RABGEF1: variants seen among roughly 807,000 people sequenced by gnomAD.
RABGEF1 encodes rab5 GDP/GTP exchange factor.
A neutral mutation model predicts 57.3 loss-of-function variants in RABGEF1; 26 were observed. The observed-to-expected ratio is 0.45, with a 90% CI of 0.33 to 0.63. The LOEUF (loss-of-function observed/expected upper bound fraction) is 0.63. Among genes scored for constraint, RABGEF1 ranks in the 20% least tolerant of loss-of-function variants. RABGEF1 has a pLI of 0.02. For missense variants in RABGEF1, 464 were observed against 607.6 expected, an observed-to-expected ratio of 0.76 and a Z score of 2.48; for synonymous variants, 185 against 210.7, an observed-to-expected ratio of 0.88 and a Z score of 1.06.
At chr7:66,685,949 A>C (rs1790558764) in intron 1 of RABGEF1, among the ~76,000 whole-genome samples, 1 of 152,138 alleles carries the variant, frequency 6.6e-6, no homozygotes, top group South Asian at 2.1e-4. Flanking sequence ...CAGAATAGAA[A>C]TGGTACCAAG....
At chr7:66,743,415 C>T (rs1311018646) in intron 1 of RABGEF1, among the ~76,000 whole-genome samples, 5 of 152,054 alleles carry the variant, frequency 3.3e-5, no homozygotes. Context: ...GCCTCCACCA[C>T]CCATGCTTAA....
At chr7:66,669,061 C>T in the RABGEF1 span, 1 of 152,284 alleles carries the variant, frequency 6.6e-6, no homozygotes, top group East Asian at 1.9e-4. Context: ...CCCGGGAGGG[C>T]ATGACTTCTG....
At chr7:66,662,543 T>C in the RABGEF1 span, among the ~76,000 whole-genome samples, 1 of 152,204 alleles carries the variant, frequency 6.6e-6, no homozygotes, top group African/African-American at 2.4e-5. Flanking sequence ...TCTCCTGAAC[T>C]GTGCTGGAAG....
chr7:66,732,446 T>C (rs527642890), intron 2 of RABGEF1, among the ~76,000 whole-genome samples: 23 of 151,672 alleles, frequency 1.5e-4, no homozygotes, highest in Non-Finnish European at 2.8e-4. Context: ...AGTAAGTGGG[T>C]GTTTTAGGGG....
intron 4 of RABGEF1, among the ~76,000 whole-genome samples, chr7:66,791,562 G>T (rs1388950036): frequency 6.6e-6 from 1 of 152,150 alleles, no homozygotes; most frequent in Non-Finnish European, 1.5e-5. Context: ...AAAACTTAAT[G>T]AACCCATAAA....
chr7:66,673,886 A>G, the RABGEF1 span, among the ~76,000 whole-genome samples: 161 of 152,324 alleles, frequency 1.1e-3, no homozygotes, highest in African/African-American at 3.6e-3. Flanking sequence ...CTCTTAAAAA[A>G]GAAGAAAAAA....
At position 66,764,252 on chromosome 7, in the gene RABGEF1, C is replaced by T. The variant is rs552880514; in HGVS notation, c.-17-7631C>T. On this transcript the variant is annotated intron_variant, in intron 1 of 8. Transcript: ENST00000284957. ...TGTGGAACATCTTTTCATATACTCACGACTGTTTGCATATCTTTCTGGAGA... is the reference window on the plus strand; with the variant it reads ...TGTGGAACATCTTTTCATATACTCATGACTGTTTGCATATCTTTCTGGAGA... Among the ~76,000 whole-genome samples the T allele has an allele frequency of 6.7e-4, 102 of 152,150 alleles. 2 individuals are homozygous for T. Among genetic ancestry groups the T allele is most frequent in the Admixed American group, 3.3e-4 (5 of 15,278 alleles).
chr7:66,796,201 G>A (rs941906511), intron 5 of RABGEF1, among the ~76,000 whole-genome samples: 1 of 151,778 alleles, frequency 6.6e-6, no homozygotes, highest in African/African-American at 2.4e-5. Context: ...TTTCCATCTT[G>A]GAATCACCAT....
At chr7:66,771,794 T>G (rs1807215094) in intron 1 of RABGEF1, 89 bp from the exon 2 acceptor site, 1 of 947,770 alleles carries the variant, frequency 1.1e-6, no homozygotes, top group Admixed American at 3.7e-5. Context: ...TTGAAGATAA[T>G]GGAATCACTC....
At chr7:66,719,774 A>G (rs1795796306) in intron 2 of RABGEF1, among the ~76,000 whole-genome samples, 1 of 152,166 alleles carries the variant, frequency 6.6e-6, no homozygotes, top group African/African-American at 2.4e-5. Context: ...TTATTGAAAC[A>G]TAGCCACATT....
At chr7:66,705,443 A>AGAGAG (rs1554307044) in intron 1 of RABGEF1, among the ~76,000 whole-genome samples, 1 of 66,368 alleles carries the variant, frequency 1.5e-5, no homozygotes, top group African/African-American at 7.6e-5. Context: ...TCTCGAAAGA[A>AGAGAG]AGAGAGAGAG....
At position 66,772,085 on chromosome 7, in the gene RABGEF1, G is replaced by A. The variant is rs747404062; in HGVS notation, c.179+7G>A. ...ACTGGGAGCTGGCGGAGCGGTAAAA[G>A]GACTTAACTAGGGGCGGTTGAACAG... On this transcript the variant is annotated splice_region_variant and intron_variant, in intron 2 of 8. Coordinates refer to ENST00000284957, the MANE Select transcript of RABGEF1 (RefSeq NM_014504.3). 8.0e-6 allele frequency: 12 copies of A among 1,505,184 alleles called. No homozygotes were observed. In the South Asian group the frequency reaches 1.2e-4, roughly 15 times the overall value. 93.2% of individuals were successfully genotyped at this position (1,505,184 alleles called of 1,614,324 possible).
chr7:66,680,606 T>C (rs572959817), upstream of RABGEF1, among the ~76,000 whole-genome samples: 3 of 151,576 alleles, frequency 2.0e-5, no homozygotes, highest in South Asian at 6.3e-4. Context: ...CTAGGAAGAA[T>C]TTGAGAAACG....
chr7:66,688,299 GGAAAA>G (rs1791013834), intron 1 of RABGEF1, among the ~76,000 whole-genome samples: 1 of 151,950 alleles, frequency 6.6e-6, no homozygotes, highest in Admixed American at 6.6e-5. Context: ...AGAATTGAAG[GGAAAA>G]GAAGAGTTTC....
chr7:66,697,561 A>C (rs544944717), intron 1 of RABGEF1, among the ~76,000 whole-genome samples: 1 of 152,204 alleles, frequency 6.6e-6, no homozygotes, highest in East Asian at 1.9e-4. Context: ...AGCACTTGGC[A>C]GGCGGGGACC....
chr7:66,659,932 G>T, the RABGEF1 span, among the ~76,000 whole-genome samples: 6 of 151,170 alleles, frequency 4.0e-5, no homozygotes, highest in Non-Finnish European at 8.8e-5. Flanking sequence ...TAAAGAAAAG[G>T]AAAAGAAGAG....
intron 2 of RABGEF1, among the ~76,000 whole-genome samples, chr7:66,714,269 G>C (rs1268987636): frequency 6.6e-6 from 1 of 152,104 alleles, no homozygotes; most frequent in Non-Finnish European, 1.5e-5. Context: ...CCCATTCTCT[G>C]TTTTACCTTG....
intron 1 of RABGEF1, among the ~76,000 whole-genome samples, chr7:66,749,280 A>G (rs1562780213): frequency 6.6e-6 from 1 of 152,220 alleles, no homozygotes; most frequent in Non-Finnish European, 1.5e-5. Context: ...AGCAGGAGCC[A>G]TGCATTGTGT....
At chr7:66,788,938 A>C (rs1811893605) in intron 4 of RABGEF1, among the ~76,000 whole-genome samples, 1 of 152,104 alleles carries the variant, frequency 6.6e-6, no homozygotes, top group Non-Finnish European at 1.5e-5. Flanking sequence ...CTGGGCAACA[A>C]GAGCAAAAAA....
Sources: gnomAD v4.1 joint callset for allele counts (sites outside exome capture counted in the v4.1 genomes callset) on GRCh38, gnomAD v4.1.1 for gene constraint, MANE v1.5 for transcripts, NCBI Gene and HGNC (gene_info 2026-07-23, HGNC 2026-07-21) for gene names.